SGCZ: variants seen among roughly 807,000 people sequenced by gnomAD.
SGCZ encodes the protein zeta-sarcoglycan.
Under a neutral mutation model 41.3 loss-of-function variants are expected in SGCZ, and 40 were observed. The observed-to-expected ratio is 0.97, with a 90% CI of 0.75 to 1.26. The LOEUF (loss-of-function observed/expected upper bound fraction) is 1.26. SGCZ is among the 50% of genes most tolerant of loss of function. The pLI is 0.00. For synonymous variants in SGCZ, 206 were observed against 137.5 expected, an observed-to-expected ratio of 1.50 and a Z score of -3.49; for missense variants, 552 against 369.8, an observed-to-expected ratio of 1.49 and a Z score of -4.04.
chr8:14,900,787 C>A (rs962473725), intron 1 of SGCZ, among the ~76,000 whole-genome samples: 1 of 152,178 alleles, frequency 6.6e-6, no homozygotes, highest in African/African-American at 2.4e-5. Flanking sequence ...CTATTATCTA[C>A]AATTCCAAAG....
chr8:15,181,035 T>G (rs1800159949), intron 1 of SGCZ, among the ~76,000 whole-genome samples: 1 of 152,176 alleles, frequency 6.6e-6, no homozygotes, highest in Non-Finnish European at 1.5e-5. Context: ...CATCTTTCAA[T>G]TAGCAATGTT....
At chr8:14,694,206 A>G (rs556912578) in intron 1 of SGCZ, among the ~76,000 whole-genome samples, 1 of 152,306 alleles carries the variant, frequency 6.6e-6, no homozygotes, top group South Asian at 2.1e-4. Flanking sequence ...GGTATCAAGT[A>G]CTTTGGTCCC....
chr8:15,012,818 C>A (rs1373651933), intron 1 of SGCZ, among the ~76,000 whole-genome samples: 1 of 149,778 alleles, frequency 6.7e-6, no homozygotes, highest in Non-Finnish European at 1.5e-5. Context: ...TATACGTATA[C>A]AAGAATCACT....
intron 2 of SGCZ, among the ~76,000 whole-genome samples, chr8:14,470,848 A>G (rs1030693895): frequency 3.3e-5 from 5 of 152,168 alleles, no homozygotes; most frequent in African/African-American, 9.7e-5. Flanking sequence ...ATATCAAAAT[A>G]GGCAGTTCTT....
At chr8:14,129,293 C>G (rs1160291469) in intron 5 of SGCZ, among the ~76,000 whole-genome samples, 5 of 136,892 alleles carry the variant, frequency 3.7e-5, no homozygotes, top group African/African-American at 1.1e-4. Flanking sequence ...TTACAATTAG[C>G]CAAGATCGTG....
At chr8:14,524,629 T>C (rs1470473843) in intron 2 of SGCZ, among the ~76,000 whole-genome samples, 1 of 152,146 alleles carries the variant, frequency 6.6e-6, no homozygotes, top group African/African-American at 2.4e-5. Flanking sequence ...TTTTCAAACC[T>C]AAAGCACACA....
intron 1 of SGCZ, among the ~76,000 whole-genome samples, chr8:14,841,003 A>G (rs1313988986): frequency 6.6e-6 from 1 of 152,132 alleles, no homozygotes; most frequent in East Asian, 1.9e-4. Flanking sequence ...TTTTCATCCT[A>G]CAAATAAAGA....
intron 3 of SGCZ, among the ~76,000 whole-genome samples, chr8:14,269,794 C>A (rs1234072177): frequency 6.6e-6 from 1 of 152,068 alleles, no homozygotes. Flanking sequence ...GGGGTCAGCC[C>A]AGGTTTGACT....
chr8:14,888,260 G>T (rs911300780), intron 1 of SGCZ, among the ~76,000 whole-genome samples: 4 of 152,126 alleles, frequency 2.6e-5, no homozygotes, highest in Non-Finnish European at 4.4e-5. Context: ...CGTCTCATGG[G>T]TGGAGTAAGA....
chr8:14,421,166 T>C (rs1398202184), intron 2 of SGCZ, among the ~76,000 whole-genome samples: 3 of 152,214 alleles, frequency 2.0e-5, no homozygotes, highest in Admixed American at 6.6e-5. Context: ...GTATGACCAG[T>C]CTAACATTCT....
chr8:14,813,651 TAAA>T (rs1013135770), intron 1 of SGCZ, among the ~76,000 whole-genome samples: 32 of 152,176 alleles, frequency 2.1e-4, no homozygotes, highest in Admixed American at 2.1e-3. Flanking sequence ...CCTATAAACT[TAAA>T]ATAATAATAA....
At chr8:14,814,260 C>T (rs551777987) in intron 1 of SGCZ, among the ~76,000 whole-genome samples, 46 of 152,268 alleles carry the variant, frequency 3.0e-4, no homozygotes, top group Admixed American at 1.2e-3. Context: ...GACCTGACTA[C>T]GCCTCTACCT....
chr8:14,195,139 G>C (rs1805227384), intron 4 of SGCZ, among the ~76,000 whole-genome samples: 1 of 152,076 alleles, frequency 6.6e-6, no homozygotes, highest in Non-Finnish European at 1.5e-5. Flanking sequence ...AAGTGACCCA[G>C]AATTGACAGT....
intron 3 of SGCZ, among the ~76,000 whole-genome samples, chr8:14,243,576 C>A (rs1475006213): frequency 6.6e-6 from 1 of 152,120 alleles, no homozygotes; most frequent in Non-Finnish European, 1.5e-5. Context: ...CAATGTGACC[C>A]AATTCTACTT....
At chr8:15,066,249 C>G (rs369672860) in intron 1 of SGCZ, among the ~76,000 whole-genome samples, 1 of 149,418 alleles carries the variant, frequency 6.7e-6, no homozygotes, top group African/African-American at 2.5e-5. Context: ...CGGAGCTTGC[C>G]GTGAGCCGAG....
chr8:14,787,649 C>A (rs1410548937), intron 1 of SGCZ, among the ~76,000 whole-genome samples: 1 of 151,964 alleles, frequency 6.6e-6, no homozygotes. Flanking sequence ...GAGTTTGAGA[C>A]CAGCCTGACC....
intron 1 of SGCZ, among the ~76,000 whole-genome samples, chr8:14,894,858 T>A (rs1250984748): frequency 6.6e-6 from 1 of 151,652 alleles, no homozygotes; most frequent in South Asian, 2.1e-4. Context: ...CTCCTCAGAG[T>A]TTCTGCAGGA....
chr8:14,618,248 A>G (rs992648790), intron 1 of SGCZ, among the ~76,000 whole-genome samples: 4 of 152,214 alleles, frequency 2.6e-5, no homozygotes, highest in African/African-American at 9.6e-5. Flanking sequence ...GGTATGTTAT[A>G]CAAGGTCTTT....
intron 1 of SGCZ, among the ~76,000 whole-genome samples, chr8:14,624,653 C>G (rs530712942): frequency 1.2e-3 from 174 of 145,746 alleles, no homozygotes; most frequent in Non-Finnish European, 1.6e-3. Context: ...TCACTGAAAC[C>G]TCCGCCTCCC....
Sources: allele counts gnomAD v4.1 joint callset (sites outside exome capture counted in the v4.1 genomes callset), GRCh38; gene constraint gnomAD v4.1.1; transcripts MANE v1.5; gene names NCBI Gene and HGNC (gene_info 2026-07-23, HGNC 2026-07-21).